The following THSD4 variants were observed in gnomAD, a reference collection of about 807,000 sequenced individuals.
THSD4 encodes thrombospondin type-1 domain-containing protein 4.
In THSD4, 69 loss-of-function variants were observed where a neutral mutation model predicts 119.0. That is an observed-to-expected ratio of 0.58 (90% CI 0.48 to 0.71). The LOEUF is 0.71. Ranked by LOEUF, THSD4 falls within the 30% of genes least tolerant of loss-of-function variation. THSD4 has a pLI of 0.00. For missense variants in THSD4, 1,393 were observed against 1,391.1 expected (o/e 1.00, Z -0.02); for synonymous variants, 524 against 540.4 (o/e 0.97, Z 0.42).
chr15:71,703,607 C>T (rs1352998586), intron 8 of THSD4, among the ~76,000 whole-genome samples: 2 of 152,106 alleles, frequency 1.3e-5, no homozygotes, highest in African/African-American at 2.4e-5. Flanking sequence ...GCACTGGGGA[C>T]AGGGCCTCAA....
At chr15:71,218,386 C>T (rs539262851) in intron 4 of THSD4, among the ~76,000 whole-genome samples, 1 of 152,252 alleles carries the variant, frequency 6.6e-6, no homozygotes, top group South Asian at 2.1e-4. Flanking sequence ...TTCTTGAAAG[C>T]CTCTGTGGTG....
At chr15:71,238,328 C>T (rs771178663) in intron 4 of THSD4, among the ~76,000 whole-genome samples, 60 of 152,148 alleles carry the variant, frequency 3.9e-4, no homozygotes, top group Non-Finnish European at 7.8e-4. Context: ...AACTTACATA[C>T]CGTAAAAATC....
chr15:71,728,906 C>G, intron 9 of THSD4, 182 bp downstream of exon 9: 1 of 731,700 alleles, frequency 1.4e-6, no homozygotes. Context: ...TCTGAATGGG[C>G]CCAGCTCACA....
At chr15:71,410,979 C>T (rs1299840369) in intron 6 of THSD4, among the ~76,000 whole-genome samples, 2 of 152,140 alleles carry the variant, frequency 1.3e-5, no homozygotes, top group East Asian at 1.9e-4. Flanking sequence ...ACCCGGGAGG[C>T]GGAGGTTGCT....
rs68026894 is a variant in THSD4, at chr15:71,570,413, C to CT, written c.1153-90106dup. On this transcript the variant is annotated intron_variant, in intron 7 of 17. Coordinates refer to ENST00000261862, the MANE Select transcript of THSD4 (RefSeq NM_024817.3). ...GATTACTCAGATATACTTTTTTTTT[C>CT]TTTTTTTTTTTGAGATGGAGTCTTG... Among the ~76,000 whole-genome samples the CT allele has an allele frequency of 6.3e-3, 945 of 148,876 alleles. 7 individuals carry two copies. The highest frequency in any genetic ancestry group is 1.0e-2 in the Non-Finnish European group (668 of 66,984).
At chr15:71,432,103 G>A (rs1173296036) in intron 7 of THSD4, among the ~76,000 whole-genome samples, 2 of 151,656 alleles carry the variant, frequency 1.3e-5, no homozygotes, top group Non-Finnish European at 2.9e-5. Flanking sequence ...TAGGACTCGC[G>A]TACTATTTTG....
chr15:71,237,775 G>A (rs1225193386), intron 4 of THSD4, among the ~76,000 whole-genome samples: 8 of 152,178 alleles, frequency 5.3e-5, no homozygotes, highest in Non-Finnish European at 1.2e-4. Flanking sequence ...CATTTCCAGG[G>A]TGAGTGTGTA....
intron 7 of THSD4, among the ~76,000 whole-genome samples, chr15:71,466,438 C>T (rs2047501604): frequency 6.6e-6 from 1 of 152,080 alleles, no homozygotes; most frequent in South Asian, 2.1e-4. Context: ...CCACCTGAGC[C>T]CCAGCATCCC....
chr15:71,322,936 A>G (rs750189993), intron 6 of THSD4, among the ~76,000 whole-genome samples: 2 of 151,884 alleles, frequency 1.3e-5, no homozygotes, highest in African/African-American at 2.4e-5. Flanking sequence ...GTCTCAACTA[A>G]AACTCCAAAA....
intron 6 of THSD4, among the ~76,000 whole-genome samples, chr15:71,377,902 A>ACCCG (rs779584942): frequency 3.3e-5 from 3 of 91,692 alleles, no homozygotes; most frequent in Non-Finnish European, 4.6e-5. Context: ...ACACACACAC[A>ACCCG]CACACACACA....
chr15:71,211,467 A>G (rs184073366), intron 3 of THSD4, among the ~76,000 whole-genome samples: 1 of 152,102 alleles, frequency 6.6e-6, no homozygotes, highest in African/African-American at 2.4e-5. Flanking sequence ...GAGGGAGAAA[A>G]CTGGTTTCTC....
chr15:71,556,011 T>C (rs2049010305), intron 7 of THSD4, among the ~76,000 whole-genome samples: 1 of 152,214 alleles, frequency 6.6e-6, no homozygotes, highest in African/African-American at 2.4e-5. Context: ...ATTGGACATT[T>C]CTATGTCTGT....
At chr15:71,243,289 T>C (rs564655844) in intron 5 of THSD4, among the ~76,000 whole-genome samples, 193 bp downstream of exon 5, 27 of 152,266 alleles carry the variant, frequency 1.8e-4, no homozygotes, top group Admixed American at 6.5e-4. Flanking sequence ...TTTAAAGTTA[T>C]TGCTTTAGTA....
At chr15:71,432,856 T>C (rs975248980) in intron 7 of THSD4, among the ~76,000 whole-genome samples, 1 of 152,022 alleles carries the variant, frequency 6.6e-6, no homozygotes, top group African/African-American at 2.4e-5. Context: ...CAAAATAATC[T>C]TTTTAAACAA....
intron 6 of THSD4, among the ~76,000 whole-genome samples, chr15:71,388,670 G>C (rs2046326626): frequency 6.7e-6 from 1 of 149,432 alleles, no homozygotes. Flanking sequence ...GAGAGTGTGT[G>C]TGTGTGTGTG....
At position 71,555,674 on chromosome 15, in the gene THSD4, A is replaced by G. The variant is rs141696477; in HGVS notation, c.1153-104856A>G. 1.6e-3 allele frequency among the ~76,000 whole-genome samples: 249 copies of G among 151,872 alleles called. 7 individuals are homozygous for G. The East Asian group carries it at 0.036, about 22-fold the overall frequency. Reference sequence around the variant, plus strand: ...ATCCATTTTATTTCTTTGTGTTAACACTCTCTTTTTCTTGTTTAGGAAATT... The same window carrying G: ...ATCCATTTTATTTCTTTGTGTTAACGCTCTCTTTTTCTTGTTTAGGAAATT... On this transcript the variant is annotated intron_variant, in intron 7 of 17. Coordinates refer to ENST00000261862, the MANE Select transcript of THSD4 (RefSeq NM_024817.3).
intron 8 of THSD4, among the ~76,000 whole-genome samples, chr15:71,727,265 C>T (rs13379892): frequency 0.053 from 8,028 of 152,068 alleles, 258 homozygotes; most frequent in South Asian, 0.082. Flanking sequence ...TCTAACACAG[C>T]CCACAGCCTC....
At chr15:71,545,165 T>A (rs2048817141) in intron 7 of THSD4, among the ~76,000 whole-genome samples, 1 of 152,218 alleles carries the variant, frequency 6.6e-6, no homozygotes, top group African/African-American at 2.4e-5. Flanking sequence ...GATAAATTTA[T>A]GTTGTCTATA....
At chr15:71,695,969 G>A (rs796538195) in intron 8 of THSD4, among the ~76,000 whole-genome samples, 4 of 152,334 alleles carry the variant, frequency 2.6e-5, no homozygotes, top group African/African-American at 9.6e-5. Context: ...TAAAATGATT[G>A]TGATAACTAA....
Sources: allele counts gnomAD v4.1 joint callset (sites outside exome capture counted in the v4.1 genomes callset), GRCh38; gene constraint gnomAD v4.1.1; transcripts MANE v1.5; gene names NCBI Gene and HGNC (gene_info 2026-07-23, HGNC 2026-07-21).